Variants in KIF18A observed in about 807,000 individuals in gnomAD.
KIF18A encodes the protein kinesin family member 18A.
Under a neutral mutation model 103.3 loss-of-function variants are expected in KIF18A, and 67 were observed. That is an observed-to-expected ratio of 0.65 (90% CI 0.53 to 0.79). The LOEUF (loss-of-function observed/expected upper bound fraction) is 0.79, where lower values mean the gene tolerates loss of function less well. Among genes scored for constraint, KIF18A ranks in the 30% least tolerant of loss-of-function variants. The pLI is 0.00. For missense variants in KIF18A, 1,032 were observed against 1,062.5 expected, an observed-to-expected ratio of 0.97 and a Z score of 0.40; for synonymous variants, 367 against 355.5, an observed-to-expected ratio of 1.03 and a Z score of -0.36.
chr11:28,044,792 C>A (rs79501918), intron 13 of KIF18A, among the ~76,000 whole-genome samples: 8 of 151,666 alleles, frequency 5.3e-5, no homozygotes, highest in Non-Finnish European at 1.5e-5. Context: ...ATATTTTCAT[C>A]AATAACCCAG....
chr11:28,042,924 C>G, intron 13 of KIF18A, among the ~76,000 whole-genome samples: 1 of 151,744 alleles, frequency 6.6e-6, no homozygotes, highest in East Asian at 1.9e-4. Context: ...TAAGGGAAGG[C>G]ATGGAGGAGA....
intron 13 of KIF18A, 94 bp from the exon 14 acceptor site, chr11:28,036,758 G>T: frequency 2.9e-6 from 2 of 681,834 alleles, no homozygotes; most frequent in Non-Finnish European, 2.2e-6. Context: ...CTAATAATAA[G>T]GTATTTTTAT....
Position 28,069,300 on chromosome 11 carries a change from T to C in KIF18A, c.1549A>G (p.Lys517Glu). 1.2e-6 allele frequency: 2 copies of C among 1,613,528 alleles called. No homozygotes were observed. Among genetic ancestry groups the C allele is most frequent in the Non-Finnish European group, 1.7e-6 (2 of 1,179,638 alleles). Reference sequence around the variant, plus strand: ...TTTTGACTTAAGAGTCCCATTTCTTTTTCGACACGATGGAGCCAATTAGTA... The same window carrying C: ...TTTTGACTTAAGAGTCCCATTTCTTCTTCGACACGATGGAGCCAATTAGTA... ...ENTNWLHRVE[K>E]EMGLLSQNGH... The change falls in exon 11 of 17, where the codon AAA (lysine) becomes GAA (glutamate). Residue 517 changes from lysine (K) to glutamate (E), a missense_variant. By Grantham distance (56) the Lys-to-Glu change is moderately conservative (BLOSUM62 1). Transcript: ENST00000263181.
chr11:28,078,930 A>ATTACT (rs778491487), intron 9 of KIF18A, among the ~76,000 whole-genome samples: 132 of 152,204 alleles, frequency 8.7e-4, no homozygotes, highest in Middle Eastern at 3.4e-3. Context: ...AAAGGCAGTA[A>ATTACT]TTTTTAGGGG....
At position 28,021,257 on chromosome 11, in the gene KIF18A, T is replaced by G. The variant is rs143258312; in HGVS notation, c.2640A>C (p.Ile880=). The part of the protein sequence containing the change: ...TMEHKRNICK[I]NPSMVRKFGR... ...CAAATTTTCTAACCATGCTTGGATT[T>G]ATTTTACAGATGTTTCTTTTATGTT... The change falls in exon 17 of 17, where the codon ATA becomes ATC. Residue 880 remains isoleucine, a synonymous_variant. Coordinates refer to ENST00000263181, the MANE Select transcript of KIF18A (RefSeq NM_031217.4). The G allele has an allele frequency of 2.0e-6, 3 of 1,485,756 alleles. No homozygotes were observed. The East Asian group carries it at 7.6e-5, about 38-fold the overall frequency. The allele number at this position is 1,485,756 out of a possible 1,614,324, so 92.0% of individuals were successfully genotyped here. A position where few individuals can be genotyped will look rare whatever the true frequency, so the allele number is the denominator to read the frequency against.
At chr11:28,101,549 C>T (rs1851446710) in intron 1 of KIF18A, among the ~76,000 whole-genome samples, 1 of 152,114 alleles carries the variant, frequency 6.6e-6, no homozygotes, top group Admixed American at 6.6e-5. Flanking sequence ...ACTTAACCTC[C>T]TTGTGGCTCA....
intron 9 of KIF18A, among the ~76,000 whole-genome samples, chr11:28,079,551 T>G (rs1288941730): frequency 6.6e-6 from 1 of 152,076 alleles, no homozygotes; most frequent in Non-Finnish European, 1.5e-5. Flanking sequence ...ACTGAGACAC[T>G]TTCTACTAAT....
intron 15 of KIF18A, among the ~76,000 whole-genome samples, chr11:28,026,512 G>C (rs1346123911): frequency 1.3e-5 from 2 of 151,650 alleles, no homozygotes; most frequent in Non-Finnish European, 3.0e-5. Flanking sequence ...GAATGTAATA[G>C]AACAATTAAT....
intron 13 of KIF18A, among the ~76,000 whole-genome samples, chr11:28,038,965 C>T (rs1210595146): frequency 6.6e-6 from 1 of 151,542 alleles, no homozygotes; most frequent in Non-Finnish European, 1.5e-5. Context: ...CTTCTTTTCC[C>T]ATGAGAGGCA....
intron 9 of KIF18A, 96 bp from the exon 10 acceptor site, chr11:28,077,265 T>C: frequency 1.3e-6 from 1 of 793,384 alleles, no homozygotes; most frequent in Non-Finnish European, 2.0e-6. Context: ...GGAATATATG[T>C]AATTCACAGA....
intron 9 of KIF18A, 143 bp from the exon 10 acceptor site, chr11:28,077,312 G>C: frequency 1.9e-6 from 1 of 526,028 alleles, no homozygotes; most frequent in Non-Finnish European, 3.2e-6. Context: ...AGGTAAAAAT[G>C]ACTATTTCCT....
chr11:28,087,982 T>C (rs1851252363), intron 6 of KIF18A, among the ~76,000 whole-genome samples: 1 of 152,206 alleles, frequency 6.6e-6, no homozygotes, highest in African/African-American at 2.4e-5. Flanking sequence ...TAAGCACTTC[T>C]GGCATATGGT....
intron 11 of KIF18A, among the ~76,000 whole-genome samples, chr11:28,068,433 TA>T (rs201902657): frequency 0.19 from 18,801 of 97,534 alleles, 1,405 homozygotes; most frequent in East Asian, 0.34. Flanking sequence ...AACTTAAAGT[TA>T]AAAAAAAAAA....
intron 15 of KIF18A, among the ~76,000 whole-genome samples, chr11:28,031,977 T>C (rs74927800): frequency 2.6e-5 from 4 of 151,930 alleles, no homozygotes; most frequent in South Asian, 4.1e-4. Context: ...GATCTTATCA[T>C]ATATTTGGAA....
chr11:28,032,311 C>G (rs1850421441), intron 15 of KIF18A, among the ~76,000 whole-genome samples: 1 of 151,778 alleles, frequency 6.6e-6, no homozygotes, highest in Non-Finnish European at 1.5e-5. Flanking sequence ...TCTACAGAAT[C>G]AATGCAATCC....
At chr11:28,067,678 A>AT (rs1850952458) in intron 11 of KIF18A, among the ~76,000 whole-genome samples, 1 of 152,148 alleles carries the variant, frequency 6.6e-6, no homozygotes, top group Non-Finnish European at 1.5e-5. Flanking sequence ...GAATTCAAAG[A>AT]TTTTAGAAGT....
chr11:28,097,952 G>T lies in KIF18A; in HGVS notation c.-5C>A. ...GTCTTCCTCAGTGACAGACATTGTT[G>T]ATTATCTTGATTCCTATCTGTATAA... On this transcript the variant is annotated 5_prime_UTR_variant, in exon 2 of 17. Transcript: ENST00000263181. The T allele has an allele frequency of 6.5e-7, 1 of 1,538,062 alleles. No individual in the cohort carries two copies. Among genetic ancestry groups the T allele is most frequent in the Non-Finnish European group, 8.8e-7 (1 of 1,141,780 alleles).
chr11:28,094,907 A>C, intron 2 of KIF18A, 107 bp from the exon 3 acceptor site: 1 of 1,115,792 alleles, frequency 9.0e-7, no homozygotes, highest in South Asian at 1.3e-5. Context: ...AGTATCTTTA[A>C]ACCCTACAAA....
intron 13 of KIF18A, among the ~76,000 whole-genome samples, chr11:28,054,386 T>A (rs974998929): frequency 2.6e-5 from 4 of 152,094 alleles, no homozygotes; most frequent in African/African-American, 9.7e-5. Context: ...AAGTTTTGTA[T>A]TTTTTGTAGA....
Sources: gnomAD v4.1 joint callset for allele counts (sites outside exome capture counted in the v4.1 genomes callset) on GRCh38, gnomAD v4.1.1 for gene constraint, MANE v1.5 for transcripts, NCBI Gene and HGNC (gene_info 2026-07-23, HGNC 2026-07-21) for gene names.